The following CCDC134 variants were observed in gnomAD, a reference collection of about 807,000 sequenced individuals.
The protein encoded by CCDC134 is coiled-coil domain-containing protein 134.
A neutral mutation model predicts 25.6 loss-of-function variants in CCDC134; 27 were observed. The ratio of observed to expected loss-of-function variants is 1.05; its 90% confidence interval spans 0.78 to 1.45. CCDC134 has a LOEUF of 1.45. Among genes scored for constraint, CCDC134 ranks in the 40% most tolerant of loss-of-function variants. The pLI, the probability that CCDC134 is intolerant of heterozygous loss-of-function variation, is 0.00. For missense variants in CCDC134, 261 were observed against 286.7 expected (o/e 0.91, Z 0.65); for synonymous variants, 110 against 115.0 (o/e 0.96, Z 0.28).
intron 1 of CCDC134, among the ~76,000 whole-genome samples, chr22:41,801,309 G>A (rs984492214): frequency 6.6e-6 from 1 of 151,996 alleles, no homozygotes; most frequent in Non-Finnish European, 1.5e-5. Flanking sequence ...CGTCTGCTTG[G>A]GGGTAGGGGG....
Position 41,825,966 on chromosome 22 carries a change from C to G in CCDC134, c.*143C>G. 8.4e-7 allele frequency: 1 copy of G among 1,193,626 alleles called. No homozygotes were observed. Among genetic ancestry groups the G allele is most frequent in the Non-Finnish European group, 1.2e-6 (1 of 845,710 alleles). 73.9% of individuals were successfully genotyped at this position (1,193,626 alleles called of 1,614,324 possible). A position where few individuals can be genotyped will look rare whatever the true frequency, so the allele number is the denominator to read the frequency against. Reference sequence around the variant, plus strand: ...TTTGCCCGGCCCCCTGGAGCTGGGTCTGAGCCCCAGCTGAAGGGACTGAGC... The same window carrying G: ...TTTGCCCGGCCCCCTGGAGCTGGGTGTGAGCCCCAGCTGAAGGGACTGAGC... On this transcript the variant is annotated 3_prime_UTR_variant, in exon 7 of 7. Transcript: ENST00000255784. This position sits in a 1 kb window ranked among gnomAD's most constrained non-coding sequence, Gnocchi z 4.4.
At chr22:41,813,654 CAA>C in intron 5 of CCDC134, 95 bp from the exon 6 acceptor site, 1 of 1,375,044 alleles carries the variant, frequency 7.3e-7, no homozygotes, top group Non-Finnish European at 1.0e-6. Context: ...CACATCTGCC[CAA>C]GTCAGGAGTC....
At chr22:41,824,871 A>T (rs1438009883) in intron 6 of CCDC134, among the ~76,000 whole-genome samples, 1 of 152,158 alleles carries the variant, frequency 6.6e-6, no homozygotes, top group Non-Finnish European at 1.5e-5. Flanking sequence ...TCCAGCAGAG[A>T]GATGGGGGTG....
At chr22:41,811,931 A>G (rs1245480740) in intron 4 of CCDC134, among the ~76,000 whole-genome samples, 1 of 152,186 alleles carries the variant, frequency 6.6e-6, no homozygotes. Flanking sequence ...TTATGGCTTC[A>G]AGATGGTGCC....
intron 6 of CCDC134, among the ~76,000 whole-genome samples, chr22:41,817,730 T>TTAAATAAA (rs139570): frequency 0.07 from 9,980 of 141,636 alleles, 386 homozygotes; most frequent in Middle Eastern, 0.087. Context: ...AGACTCTGTC[T>TTAAATAAA]TAAATAAATA....
chr22:41,820,536 C>T (rs1462314121), intron 6 of CCDC134, among the ~76,000 whole-genome samples: 2 of 152,150 alleles, frequency 1.3e-5, no homozygotes, highest in South Asian at 2.1e-4. Context: ...GGCTGCTGTG[C>T]TCATCTGTGT....
rs568678426 is a variant in CCDC134 at position 41,819,724 on chromosome 22, A to G, written c.564+5902A>G. 1.8e-4 allele frequency among the ~76,000 whole-genome samples: 28 copies of G among 152,036 alleles called. 1 individual carries two copies. In the East Asian group the frequency reaches 5.2e-3, roughly 28 times the overall value. On this transcript the variant is annotated intron_variant, in intron 6 of 6. Transcript: ENST00000255784. ...AGTTGCTATTTCACATGGCCTGGGT[A>G]CTGTCTTACTGAATTATCTGAAGGA...
At chr22:41,810,736 C>T (rs1043535409) in intron 4 of CCDC134, among the ~76,000 whole-genome samples, 7 of 152,006 alleles carry the variant, frequency 4.6e-5, no homozygotes, top group African/African-American at 1.7e-4. Context: ...CCTCATGATC[C>T]GCCCACCTCG....
intron 1 of CCDC134, among the ~76,000 whole-genome samples, chr22:41,804,184 G>A (rs1290882049): frequency 1.3e-5 from 2 of 152,162 alleles, no homozygotes; most frequent in Middle Eastern, 3.2e-3. Context: ...TCTTGTTCCA[G>A]TGTCTTCGGA....
At chr22:41,810,174 C>T (rs751352066) in intron 3 of CCDC134, 33 bp from the exon 4 acceptor site, 30 of 1,609,422 alleles carry the variant, frequency 1.9e-5, no homozygotes, top group South Asian at 2.2e-5. Flanking sequence ...ATGGGCACTG[C>T]GAAGCCACTC....
rs1438897581 is a variant in CCDC134 at position 41,830,409 on chromosome 22, TG to T, written c.*4592del. On this transcript the variant is annotated 3_prime_UTR_variant, in exon 7 of 7. Transcript: ENST00000255784. ...AGGGGGTCACTGAGGTTCTGGGTTGTGGGGGGTGCCCTGGGCCAGAGTGAGT... is the reference window on the plus strand; with the variant it reads ...AGGGGGTCACTGAGGTTCTGGGTTGTGGGGGTGCCCTGGGCCAGAGTGAGT... 6.6e-6 allele frequency among the ~76,000 whole-genome samples: 1 copy of T among 152,148 alleles called. No individual in the cohort carries two copies. Among genetic ancestry groups the T allele is most frequent in the Non-Finnish European group, 1.5e-5 (1 of 68,024 alleles).
In CCDC134 at chr22:41,829,948, A is replaced by G. The variant is rs1449292654; in HGVS notation, c.*4125A>G. 6.6e-6 allele frequency among the ~76,000 whole-genome samples: 1 copy of G among 151,634 alleles called. No homozygotes were observed. The highest frequency in any genetic ancestry group is 2.4e-5 in the African/African-American group (1 of 41,188). ...GCCACCATGACCAGCTAATTTTTGT[A>G]TTTTCAGTAGAGATGGGTTTCACCA... On this transcript the variant is annotated 3_prime_UTR_variant, in exon 7 of 7. Coordinates refer to ENST00000255784, the MANE Select transcript of CCDC134 (RefSeq NM_024821.5).
At chr22:41,804,729 C>G (rs55875703) in intron 1 of CCDC134, among the ~76,000 whole-genome samples, 1,583 of 152,262 alleles carry the variant, frequency 0.01, 26 homozygotes, top group African/African-American at 0.037. Context: ...GTATGATATT[C>G]TAGTTAAAGC....
intron 1 of CCDC134, among the ~76,000 whole-genome samples, chr22:41,807,884 G>A (rs1201691446): frequency 2.0e-5 from 3 of 152,064 alleles, no homozygotes; most frequent in African/African-American, 7.2e-5. Context: ...AAAAAGGGCC[G>A]GGCGCGGTGG....
chr22:41,830,261 C>G lies in CCDC134; in HGVS notation c.*4438C>G, dbSNP rs1018440971. ...CTTCCTGAGGTTCGGGTCCAGCCAC[C>G]CTTCTTCCACCATTTCTACTGAGCC... On this transcript the variant is annotated 3_prime_UTR_variant, in exon 7 of 7. Coordinates refer to ENST00000255784, the MANE Select transcript of CCDC134 (RefSeq NM_024821.5). Among the ~76,000 whole-genome samples the G allele has an allele frequency of 5.3e-5, 8 of 152,244 alleles. No homozygotes were observed. The highest frequency in any genetic ancestry group is 1.7e-4 in the African/African-American group (7 of 41,470).
rs1228570536 is a variant in CCDC134 at position 41,830,745 on chromosome 22, AAAGT to A, written c.*4925_*4928del. Among the ~76,000 whole-genome samples the A allele has an allele frequency of 6.6e-6, 1 of 152,198 alleles. No homozygotes were observed. The highest frequency in any genetic ancestry group is 1.5e-5 in the Non-Finnish European group (1 of 68,026). ...TAAGCAATACTGAAATGCCAAAAAGAAAGTAAAATTCACTCCAAAAGTAAAATTC... is the reference window on the plus strand; with the variant it reads ...TAAGCAATACTGAAATGCCAAAAAGAAAAATTCACTCCAAAAGTAAAATTC... On this transcript the variant is annotated 3_prime_UTR_variant, in exon 7 of 7. Coordinates refer to ENST00000255784, the MANE Select transcript of CCDC134 (RefSeq NM_024821.5).
In CCDC134 at chr22:41,813,348, A is replaced by T; in HGVS notation, c.395A>T (p.His132Leu). 6.2e-7 allele frequency: 1 copy of T among 1,614,130 alleles called. No homozygotes were observed. The highest frequency in any genetic ancestry group is 8.5e-7 in the Non-Finnish European group (1 of 1,180,028). ...AGGATTGTGCACTATTACTTTGACC[A>T]CAACTCCAACTGGAACCTCCTCATC... ...FPRIVHYYFD[H>L]NSNWNLLIRW... Residue 132 changes from histidine (H) to leucine (L), a missense_variant, in exon 5 of 7, where the codon CAC becomes CTC. Transcript: ENST00000255784.
chr22:41,817,115 C>A (rs1423563970), intron 6 of CCDC134, among the ~76,000 whole-genome samples: 1 of 152,104 alleles, frequency 6.6e-6, no homozygotes, highest in Non-Finnish European at 1.5e-5. Context: ...GGGAAATCAG[C>A]AAGCAGGATA....
Position 41,813,815 on chromosome 22 carries a change from G to C in CCDC134, c.557G>C (p.Arg186Pro). 6.2e-7 allele frequency: 1 copy of C among 1,613,950 alleles called. No homozygotes were observed. The highest frequency in any genetic ancestry group is 8.5e-7 in the Non-Finnish European group (1 of 1,179,822). The change falls in exon 6 of 7, where the codon CGC (arginine) becomes CCC (proline). Residue 186 changes from arginine (R) to proline (P), a missense_variant. Transcript: ENST00000255784. ...SNFQNPFKID[R>P]TEFIPSTDPF... ...TTCCAGAACCCATTTAAAATCGACC[G>C]CACAGAGGTGAGCTGCCAGGGCCTA... is the stretch of plus-strand genomic sequence containing the variant.
Sources: gnomAD v4.1 joint callset for allele counts (sites outside exome capture counted in the v4.1 genomes callset) on GRCh38, gnomAD v4.1.1 for gene constraint, Gnocchi (gnomAD v3.1) non-coding constraint, MANE v1.5 for transcripts, NCBI Gene and HGNC (gene_info 2026-07-23, HGNC 2026-07-21) for gene names.